The following ZNF574 variants were observed in gnomAD, a reference collection of about 807,000 sequenced individuals.
ZNF574 encodes the protein zinc finger protein 574.
A neutral mutation model predicts 56.6 loss-of-function variants in ZNF574; 25 were observed. That is an observed-to-expected ratio of 0.44 (90% CI 0.32 to 0.62). The LOEUF (loss-of-function observed/expected upper bound fraction) is 0.62, where lower values mean the gene tolerates loss of function less well. Ranked by LOEUF, ZNF574 falls within the 20% of genes least tolerant of loss-of-function variation. The pLI is 0.04. For synonymous variants in ZNF574, 543 were observed against 492.1 expected, an observed-to-expected ratio of 1.10 and a Z score of -1.37; for missense variants, 1,065 against 1,218.9, an observed-to-expected ratio of 0.87 and a Z score of 1.88.
rs2076477860 is a variant in ZNF574, at chr19:42,079,254, C to T, written c.648C>T (p.Cys216=). 6.2e-7 allele frequency: 1 copy of T among 1,614,120 alleles called. No homozygotes were observed. The highest frequency in any genetic ancestry group is 8.5e-7 in the Non-Finnish European group (1 of 1,180,026). ...VTEVELLLYK[C]SECSQLFQLP... is the part of the protein sequence containing the mutation. The stretch of plus-strand genomic sequence containing the variant: ...AGGTGGAGCTGCTCCTCTACAAGTG[C>T]TCTGAGTGCTCCCAGCTCTTCCAGC... The change falls in exon 2 of 2, where the codon TGC becomes TGT. Residue 216 remains cysteine (C), a synonymous_variant. Coordinates refer to ENST00000359044, the MANE Select transcript of ZNF574 (RefSeq NM_022752.6). This position sits in a 1 kb window ranked among gnomAD's most constrained non-coding sequence, Gnocchi z 4.3.
chr19:42,081,077 G>C lies in ZNF574; in HGVS notation c.2471G>C (p.Cys824Ser), dbSNP rs1568946592. 1 of 1,614,188 alleles carries C rather than the reference G, an allele frequency of 6.2e-7. No individual in the cohort carries two copies. The highest frequency in any genetic ancestry group is 8.5e-7 in the Non-Finnish European group (1 of 1,180,040). Residue 824 changes from cysteine (C) to serine (S), a missense_variant, in exon 2 of 2, where the codon TGC becomes TCC. By Grantham distance (112) the Cys-to-Ser change is moderately radical. Coordinates refer to ENST00000359044, the MANE Select transcript of ZNF574 (RefSeq NM_022752.6). ...CACACAGGCGAACGACCCTACTCCT[G>C]CCCTGACTGTGGCAAGAGCTACCGC... is the stretch of plus-strand genomic sequence containing the variant. ...RIHTGERPYSCPDCGKSYRSF... is the reference protein window; with the variant it reads ...RIHTGERPYSSPDCGKSYRSF...
At position 42,081,008 on chromosome 19, in the gene ZNF574, A is replaced by G; in HGVS notation, c.2402A>G (p.Lys801Arg). 2 of 1,614,226 alleles carry G rather than the reference A, an allele frequency of 1.2e-6. No individual in the cohort carries two copies. Among genetic ancestry groups the G allele is most frequent in the Non-Finnish European group, 8.5e-7 (1 of 1,180,040 alleles). The change falls in exon 2 of 2, where the codon AAG becomes AGG. Residue 801 changes from lysine (K) to arginine (R), a missense_variant. By Grantham distance (26) the Lys-to-Arg change is conservative. Coordinates refer to ENST00000359044, the MANE Select transcript of ZNF574 (RefSeq NM_022752.6). ...ERPFACEVCGKAFAISMRLAE... is the reference protein window; with the variant it reads ...ERPFACEVCGRAFAISMRLAE... ...CCCTTTGCCTGTGAAGTGTGTGGCA[A>G]GGCCTTTGCCATCTCCATGCGCCTG... is the stretch of plus-strand genomic sequence containing the variant.
At position 42,079,412 on chromosome 19, in the gene ZNF574, T is replaced by C. The variant is rs868310535; in HGVS notation, c.806T>C (p.Leu269Ser). 1.9e-6 allele frequency: 3 copies of C among 1,613,688 alleles called. No individual in the cohort carries two copies. Among genetic ancestry groups the C allele is most frequent in the Middle Eastern group, 1.6e-4 (1 of 6,062 alleles). ...AEVPVSQPDPLPASDHSYELR... is the reference protein window; with the variant it reads ...AEVPVSQPDPSPASDHSYELR... ...GTGCCTGTGTCTCAGCCTGACCCCT[T>C]GCCAGCTTCTGACCACAGTTACGAG... The change falls in exon 2 of 2, where the codon TTG becomes TCG. Residue 269 changes from leucine to serine, a missense_variant. By Grantham distance (145) the Leu-to-Ser change is moderately radical. Coordinates refer to ENST00000359044, the MANE Select transcript of ZNF574 (RefSeq NM_022752.6). The surrounding 1 kb of genome is among the most constrained non-coding windows in gnomAD (Gnocchi z 4.3).
In ZNF574 at chr19:42,079,210, A is replaced by G. The variant is rs1476162973; in HGVS notation, c.604A>G (p.Thr202Ala). The change falls in exon 2 of 2, where the codon ACC becomes GCC. Residue 202 changes from threonine to alanine, a missense_variant. Coordinates refer to ENST00000359044, the MANE Select transcript of ZNF574 (RefSeq NM_022752.6). This position sits in a 1 kb window ranked among gnomAD's most constrained non-coding sequence, Gnocchi z 4.3. Reference sequence around the variant, plus strand: ...GACTGTCCCATCTGCCGCTGCCACCACCACTGAGGTAGTGACTGAGGTGGA... The same window carrying G: ...GACTGTCCCATCTGCCGCTGCCACCGCCACTGAGGTAGTGACTGAGGTGGA... ...GATVPSAAAT[T>A]TEVVTEVELL... 9 of 1,613,790 alleles carry G rather than the reference A, an allele frequency of 5.6e-6. No homozygotes were observed. Among genetic ancestry groups the G allele is most frequent in the Non-Finnish European group, 7.6e-6 (9 of 1,180,000 alleles).
upstream of ZNF574, among the ~76,000 whole-genome samples, chr19:42,071,850 A>T (rs769200199): frequency 6.6e-6 from 1 of 152,000 alleles, no homozygotes; most frequent in Non-Finnish European, 1.5e-5. Context: ...CTAAAAATAC[A>T]AAAATTAGCC....
In ZNF574 at chr19:42,079,995, A is replaced by T. The variant is rs768015617; in HGVS notation, c.1389A>T (p.Pro463=). 7 of 1,613,924 alleles carry T rather than the reference A, an allele frequency of 4.3e-6. No individual in the cohort carries two copies. The highest frequency in any genetic ancestry group is 5.9e-6 in the Non-Finnish European group (7 of 1,180,016). ...SEETSAGPAA[P]GTYRCLLCSR... ...AGACCTCAGCAGGGCCCGCTGCCCCAGGCACCTACCGCTGCCTCCTGTGCA... is the reference window on the plus strand; with the variant it reads ...AGACCTCAGCAGGGCCCGCTGCCCCTGGCACCTACCGCTGCCTCCTGTGCA... The change falls in exon 2 of 2, where the codon CCA becomes CCT. Residue 463 remains proline, a synonymous_variant. Transcript: ENST00000359044. This position sits in a 1 kb window ranked among gnomAD's most constrained non-coding sequence, Gnocchi z 4.3.
upstream of ZNF574, chr19:42,074,790 G>C (rs1338663272): frequency 6.6e-6 from 1 of 152,208 alleles, no homozygotes; most frequent in Non-Finnish European, 1.5e-5. Flanking sequence ...AGTGGCTTCA[G>C]GTAAGTAAAT....
chr19:42,079,794 T>A lies in ZNF574; in HGVS notation c.1188T>A (p.Cys396Ter). ...HTPNPLHSCP[C>*]GKTFVNLTKF... is the part of the protein sequence containing the mutation. ...CGAATCCTCTGCATTCATGTCCATG[T>A]GGGAAGACCTTTGTCAACCTTACCA... Residue 396 changes from cysteine to a stop codon, truncating the protein, a stop_gained, in exon 2 of 2, where the codon TGT becomes TGA. Transcript: ENST00000359044. LOFTEE classifies it high-confidence loss of function. This position sits in a 1 kb window ranked among gnomAD's most constrained non-coding sequence, Gnocchi z 4.3. 6.2e-7 allele frequency: 1 copy of A among 1,614,128 alleles called. No individual in the cohort carries two copies. Among genetic ancestry groups the A allele is most frequent in the Non-Finnish European group, 8.5e-7 (1 of 1,180,024 alleles).
At position 42,080,471 on chromosome 19, in the gene ZNF574, T is replaced by C; in HGVS notation, c.1865T>C (p.Leu622Pro). The C allele has an allele frequency of 6.2e-7, 1 of 1,614,046 alleles. No individual in the cohort carries two copies. The highest frequency in any genetic ancestry group is 8.5e-7 in the Non-Finnish European group (1 of 1,180,016). Residue 622 changes from leucine to proline, a missense_variant, in exon 2 of 2, where the codon CTG becomes CCG. Transcript: ENST00000359044. The surrounding 1 kb of genome is among the most constrained non-coding windows in gnomAD (Gnocchi z 8.5). ...CGCTCCTTCTTGCTGCGTCGGCTGCTGGAGGTGCACCAGCTCGTGGTCCAT... is the reference window on the plus strand; with the variant it reads ...CGCTCCTTCTTGCTGCGTCGGCTGCCGGAGGTGCACCAGCTCGTGGTCCAT... ...CPRSFLLRRL[L>P]EVHQLVVHAG...
Position 42,079,888 on chromosome 19 carries a change from G to C in ZNF574, c.1282G>C (p.Glu428Gln), listed in dbSNP as rs747404939. 6.2e-7 allele frequency: 1 copy of C among 1,613,942 alleles called. No homozygotes were observed. Among genetic ancestry groups the C allele is most frequent in the Admixed American group, 1.7e-5 (1 of 60,002 alleles). Residue 428 changes from glutamate (E) to glutamine (Q), a missense_variant, in exon 2 of 2, where the codon GAG (glutamate) becomes CAG (glutamine). Glu to Gln is a conservative substitution (Grantham distance 29). Transcript: ENST00000359044. This position sits in a 1 kb window ranked among gnomAD's most constrained non-coding sequence, Gnocchi z 4.3. ...VPLPTTPVPP[E>Q]EPVIGFPEPA... ...TCTGCCCACAACACCAGTCCCACCAGAGGAACCTGTCATTGGTTTCCCTGA... is the reference window on the plus strand; with the variant it reads ...TCTGCCCACAACACCAGTCCCACCACAGGAACCTGTCATTGGTTTCCCTGA...
At chr19:42,073,726 A>C (rs2076439670), upstream of ZNF574, among the ~76,000 whole-genome samples, 1 of 150,794 alleles carries the variant, frequency 6.6e-6, no homozygotes, top group African/African-American at 2.4e-5. Flanking sequence ...CAGGAGGCTG[A>C]AAATTGCTTG....
chr19:42,077,589 G>T (rs982012226), intron 1 of ZNF574, among the ~76,000 whole-genome samples: 2 of 152,116 alleles, frequency 1.3e-5, no homozygotes, highest in Admixed American at 6.5e-5. Context: ...AACAGGAAGG[G>T]TTTAAATCAA....
chr19:42,079,001 A>G lies in ZNF574; in HGVS notation c.395A>G (p.Lys132Arg), dbSNP rs999981103. The change falls in exon 2 of 2, where the codon AAG (lysine) becomes AGG (arginine). Residue 132 changes from lysine to arginine, a missense_variant. Transcript: ENST00000359044. The surrounding 1 kb of genome is among the most constrained non-coding windows in gnomAD (Gnocchi z 4.3). ...ATCCACTACGAGTGTGTGGATTGCA[A>G]GGCTCTCTTTGCCAGCCAGGAGCTC... ...STIHYECVDC[K>R]ALFASQELWL... 1.9e-6 allele frequency: 3 copies of G among 1,614,070 alleles called. No individual in the cohort carries two copies. Among genetic ancestry groups the G allele is most frequent in the African/African-American group, 1.3e-5 (1 of 75,022 alleles).
intron 1 of ZNF574, among the ~76,000 whole-genome samples, chr19:42,076,899 T>C (rs1279596203): frequency 1.3e-5 from 2 of 151,862 alleles, no homozygotes; most frequent in East Asian, 1.9e-4. Flanking sequence ...TGTCAGGAGG[T>C]TGGGTACCCT....
At chr19:42,074,251 T>C (rs919524903), upstream of ZNF574, among the ~76,000 whole-genome samples, 13 of 151,744 alleles carry the variant, frequency 8.6e-5, no homozygotes, top group African/African-American at 2.7e-4. Flanking sequence ...GGTCAGGAGA[T>C]TGAGACCATC....
chr19:42,079,494 C>G lies in ZNF574; in HGVS notation c.888C>G (p.Asn296Lys). ...RDRRGRRARRNNSGEAGGAAT... is the reference protein window; with the variant it reads ...RDRRGRRARRKNSGEAGGAAT... ...GCCGGGGGCGCAGGGCCCGGAGGAA[C>G]AACAGTGGAGAAGCAGGCGGGGCAG... is the stretch of plus-strand genomic sequence containing the variant. The change falls in exon 2 of 2, where the codon AAC (asparagine) becomes AAG (lysine). Residue 296 changes from asparagine (N) to lysine (K), a missense_variant. Coordinates refer to ENST00000359044, the MANE Select transcript of ZNF574 (RefSeq NM_022752.6). This position sits in a 1 kb window ranked among gnomAD's most constrained non-coding sequence, Gnocchi z 4.3. 1 of 1,613,886 alleles carries G rather than the reference C, an allele frequency of 6.2e-7. No homozygotes were observed.
At chr19:42,075,160 G>A (rs899501337), upstream of ZNF574, 1 of 152,328 alleles carries the variant, frequency 6.6e-6, no homozygotes, top group Admixed American at 6.5e-5. Flanking sequence ...TGGGATTGCA[G>A]GCGTGAGCCA....
upstream of ZNF574, among the ~76,000 whole-genome samples, chr19:42,073,280 T>A (rs1171880273): frequency 6.6e-6 from 1 of 152,180 alleles, no homozygotes; most frequent in Non-Finnish European, 1.5e-5. Flanking sequence ...CATAGGGTTG[T>A]TGAGAGGATT....
rs757361266 is a variant in ZNF574 at position 42,079,925 on chromosome 19, C to T, written c.1319C>T (p.Ala440Val). ...PVIGFPEPAP[A>V]ETGEPEAPEP... The stretch of plus-strand genomic sequence containing the variant: ...ATTGGTTTCCCTGAGCCAGCCCCAG[C>T]AGAGACTGGAGAGCCAGAGGCCCCT... Residue 440 changes from alanine to valine, a missense_variant, in exon 2 of 2, where the codon GCA becomes GTA. Coordinates refer to ENST00000359044, the MANE Select transcript of ZNF574 (RefSeq NM_022752.6). The surrounding 1 kb of genome is among the most constrained non-coding windows in gnomAD (Gnocchi z 4.3). The T allele has an allele frequency of 6.2e-7, 1 of 1,613,960 alleles. No homozygotes were observed. The highest frequency in any genetic ancestry group is 8.5e-7 in the Non-Finnish European group (1 of 1,180,032).
Sources: allele counts gnomAD v4.1 joint callset (sites outside exome capture counted in the v4.1 genomes callset), GRCh38; gene constraint gnomAD v4.1.1; non-coding constraint Gnocchi (gnomAD v3.1); transcripts MANE v1.5; gene names NCBI Gene and HGNC (gene_info 2026-07-23, HGNC 2026-07-21).